Variants in NEGR1 observed in about 807,000 individuals in gnomAD.
The protein encoded by NEGR1 is neuronal growth regulator 1, also known as IgLON family member 4.
A neutral mutation model predicts 40.9 loss-of-function variants in NEGR1; 10 were observed. The ratio of observed to expected loss-of-function variants is 0.24; its 90% CI spans 0.15 to 0.42. The LOEUF is 0.42. Ranked by LOEUF, NEGR1 falls within the 10% of genes least tolerant of loss-of-function variation. The pLI, the probability that NEGR1 is intolerant of heterozygous loss-of-function variation, is 1.00. For missense variants in NEGR1, 352 were observed against 438.9 expected, an observed-to-expected ratio of 0.80 and a Z score of 1.77; for synonymous variants, 185 against 166.8, an observed-to-expected ratio of 1.11 and a Z score of -0.84.
chr1:72,007,791 T>G (rs991233209), intron 1 of NEGR1, among the ~76,000 whole-genome samples: 3 of 152,192 alleles, frequency 2.0e-5, no homozygotes, highest in Non-Finnish European at 2.9e-5. Context: ...TTCTGTCATT[T>G]GCAAATAATT....
At chr1:72,279,049 A>G (rs1176132642) in intron 1 of NEGR1, among the ~76,000 whole-genome samples, 2 of 152,228 alleles carry the variant, frequency 1.3e-5, no homozygotes, top group East Asian at 3.9e-4. Flanking sequence ...AAAAGTAAGA[A>G]ACATCTTTAC....
intron 1 of NEGR1, among the ~76,000 whole-genome samples, chr1:72,119,397 C>T (rs116540177): frequency 9.9e-4 from 150 of 151,812 alleles, no homozygotes; most frequent in African/African-American, 3.5e-3. Context: ...TGAGACAAAA[C>T]TGGAAATTAG....
intron 1 of NEGR1, among the ~76,000 whole-genome samples, chr1:72,128,513 A>C (rs1438713099): frequency 1.3e-5 from 2 of 152,210 alleles, no homozygotes; most frequent in Admixed American, 6.5e-5. Context: ...ATGTGAAATA[A>C]GATTTCCAGA....
chr1:71,935,219 C>G lies in NEGR1; in HGVS notation c.269G>C (p.Arg90Pro), dbSNP rs1450443698. 1 of 1,613,752 alleles carries G rather than the reference C, an allele frequency of 6.2e-7. No homozygotes were observed. The highest frequency in any genetic ancestry group is 8.5e-7 in the Non-Finnish European group (1 of 1,179,722). ...AGGDKWSVDP[R>P]VSISTLNKRD... is the part of the protein sequence containing the mutation. ...TTTATTCAATGTTGAAATTGAAACT[C>G]GAGGATCCACTGACCACTTATCACC... Residue 90 changes from arginine (R) to proline (P), a missense_variant, in exon 2 of 7, where the codon CGA becomes CCA. Arg to Pro is a moderately radical substitution (Grantham distance 103, BLOSUM62 -2). Transcript: ENST00000357731.
chr1:71,841,737 T>A (rs6659202), intron 2 of NEGR1, among the ~76,000 whole-genome samples: 36,299 of 152,122 alleles, frequency 0.24, 5,349 homozygotes, highest in East Asian at 0.55. Context: ...ACACAGCATA[T>A]CGTAGAAATA....
At chr1:71,876,601 G>T (rs909736999) in intron 2 of NEGR1, among the ~76,000 whole-genome samples, 4 of 142,306 alleles carry the variant, frequency 2.8e-5, no homozygotes, top group African/African-American at 9.8e-5. Flanking sequence ...AGGAAGGAAG[G>T]AAAGAAGGAA....
intron 2 of NEGR1, among the ~76,000 whole-genome samples, chr1:71,880,233 G>A (rs1394796663): frequency 1.3e-5 from 2 of 151,722 alleles, no homozygotes; most frequent in Admixed American, 1.3e-4. Flanking sequence ...ATTGCAGAGA[G>A]GCCTATAATT....
intron 2 of NEGR1, among the ~76,000 whole-genome samples, chr1:71,866,717 T>C (rs894685067): frequency 1.3e-5 from 2 of 152,212 alleles, no homozygotes; most frequent in African/African-American, 2.4e-5. Flanking sequence ...GTTGGTTTTA[T>C]GGTCAGTAAA....
intron 2 of NEGR1, among the ~76,000 whole-genome samples, chr1:71,884,391 CTTAA>C: frequency 6.6e-6 from 1 of 152,280 alleles, no homozygotes; most frequent in African/African-American, 2.4e-5. Flanking sequence ...AAATTCATTC[CTTAA>C]TTATCACTGT....
intron 1 of NEGR1, among the ~76,000 whole-genome samples, chr1:72,031,397 A>G (rs1057082997): frequency 2.0e-5 from 3 of 152,258 alleles, no homozygotes; most frequent in Admixed American, 6.5e-5. Flanking sequence ...ACTTTTACTT[A>G]TTTTGGATAT....
intron 1 of NEGR1, among the ~76,000 whole-genome samples, chr1:72,088,108 G>A (rs1214940742): frequency 6.6e-6 from 1 of 152,156 alleles, no homozygotes; most frequent in Non-Finnish European, 1.5e-5. Context: ...ACAGATTAGT[G>A]TAACCTGGGT....
intron 2 of NEGR1, among the ~76,000 whole-genome samples, chr1:71,787,510 C>T (rs956902275): frequency 6.6e-6 from 1 of 152,064 alleles, no homozygotes; most frequent in African/African-American, 2.4e-5. Flanking sequence ...AATTTCCATC[C>T]TAAAAATAGA....
chr1:71,887,375 G>T (rs903776894), intron 2 of NEGR1, among the ~76,000 whole-genome samples: 4 of 152,056 alleles, frequency 2.6e-5, no homozygotes, highest in Non-Finnish European at 4.4e-5. Context: ...TTATCTAAAA[G>T]CTTAACAACT....
chr1:71,524,413 A>G (rs1442836783), intron 6 of NEGR1, among the ~76,000 whole-genome samples: 1 of 151,514 alleles, frequency 6.6e-6, no homozygotes, highest in Non-Finnish European at 1.5e-5. Flanking sequence ...CTTGATAAAT[A>G]TAATCTTTTC....
At chr1:71,825,920 A>G (rs1200803330) in intron 2 of NEGR1, among the ~76,000 whole-genome samples, 1 of 151,888 alleles carries the variant, frequency 6.6e-6, no homozygotes, top group Admixed American at 6.6e-5. Flanking sequence ...TTCACTTCAG[A>G]TTGTCTCCCA....
intron 1 of NEGR1, among the ~76,000 whole-genome samples, chr1:71,977,898 C>A (rs1008715233): frequency 2.6e-5 from 4 of 151,956 alleles, no homozygotes; most frequent in Non-Finnish European, 5.9e-5. Flanking sequence ...CGCTCTCTGC[C>A]AGAATAAATT....
At chr1:72,059,354 A>G (rs1647144916) in intron 1 of NEGR1, among the ~76,000 whole-genome samples, 1 of 151,578 alleles carries the variant, frequency 6.6e-6, no homozygotes, top group Non-Finnish European at 1.5e-5. Flanking sequence ...TTTTTAAAAA[A>G]TATCTTCTGT....
At chr1:72,052,559 A>T (rs1281438085) in intron 1 of NEGR1, among the ~76,000 whole-genome samples, 1 of 151,478 alleles carries the variant, frequency 6.6e-6, no homozygotes, top group African/African-American at 2.4e-5. Flanking sequence ...TTGATGTCAC[A>T]GGTGATGTAT....
At chr1:71,420,801 C>T (rs933405452) in intron 6 of NEGR1, among the ~76,000 whole-genome samples, 3 of 151,950 alleles carry the variant, frequency 2.0e-5, no homozygotes, top group South Asian at 2.1e-4. Context: ...GCTTTTATAA[C>T]GCTCATTGCT....
Sources: allele counts gnomAD v4.1 joint callset (sites outside exome capture counted in the v4.1 genomes callset), GRCh38; gene constraint gnomAD v4.1.1; transcripts MANE v1.5; gene names NCBI Gene and HGNC (gene_info 2026-07-23, HGNC 2026-07-21).